The following AK7 variants were observed in gnomAD, a reference collection of about 807,000 sequenced individuals.
AK7 encodes the protein ATP-AMP transphosphorylase 7.
A neutral mutation model predicts 96.6 loss-of-function variants in AK7; 78 were observed. The ratio of observed to expected loss-of-function variants is 0.81; its 90% CI spans 0.67 to 0.97. AK7 has a LOEUF of 0.97. AK7 is among the 50% of genes least tolerant of loss of function. AK7 has a pLI of 0.00. For synonymous variants in AK7, 302 were observed against 317.2 expected (o/e 0.95, Z 0.51); for missense variants, 855 against 887.9 (o/e 0.96, Z 0.47).
chr14:96,440,841 G>C (rs938172548), intron 6 of AK7, among the ~76,000 whole-genome samples: 3 of 152,186 alleles, frequency 2.0e-5, no homozygotes, highest in Non-Finnish European at 4.4e-5. Flanking sequence ...GTAGATATTA[G>C]AGAAAGAGGA....
chr14:96,466,862 C>T (rs191256639), intron 12 of AK7, among the ~76,000 whole-genome samples: 1 of 152,208 alleles, frequency 6.6e-6, no homozygotes, highest in East Asian at 1.9e-4. Context: ...TTGTTTTGGC[C>T]TTATTAAAAT....
intron 10 of AK7, among the ~76,000 whole-genome samples, chr14:96,452,364 C>T (rs1893655125): frequency 6.6e-6 from 1 of 151,986 alleles, no homozygotes; most frequent in South Asian, 2.1e-4. Context: ...ACTCTGTTGC[C>T]CAGGCTGGAG....
At chr14:96,412,752 A>G (rs1249785062) in intron 4 of AK7, among the ~76,000 whole-genome samples, 1 of 151,092 alleles carries the variant, frequency 6.6e-6, no homozygotes, top group African/African-American at 2.4e-5. Context: ...TTTTAAGTAG[A>G]GATGGGGTTT....
chr14:96,449,508 A>G (rs1252244698), intron 8 of AK7, among the ~76,000 whole-genome samples: 1 of 152,130 alleles, frequency 6.6e-6, no homozygotes, highest in Non-Finnish European at 1.5e-5. Context: ...ATCTCAACTC[A>G]CTGCAACCTC....
chr14:96,421,013 C>A (rs552051942), intron 5 of AK7, 81 bp downstream of exon 5: 1 of 974,694 alleles, frequency 1.0e-6, no homozygotes, highest in Non-Finnish European at 1.6e-6. Flanking sequence ...ACTTACCCCA[C>A]GGATGTCTGA....
At chr14:96,480,751 T>G (rs995788017) in intron 15 of AK7, among the ~76,000 whole-genome samples, 1 of 152,118 alleles carries the variant, frequency 6.6e-6, no homozygotes, top group Non-Finnish European at 1.5e-5. Context: ...CAGGGAGGAA[T>G]GAATGAGTGG....
chr14:96,415,849 T>C (rs1315994372), intron 4 of AK7, among the ~76,000 whole-genome samples: 4 of 133,514 alleles, frequency 3.0e-5, no homozygotes, highest in Non-Finnish European at 6.6e-5. Flanking sequence ...ATTTTAATAA[T>C]AGGACAATCT....
chr14:96,398,205 T>C lies in AK7; in HGVS notation c.236T>C (p.Val79Ala), dbSNP rs758050169. ...GTGAAGGAAGGCACATTCCAGATTG[T>C]GGGCACGCTGTCCAAGCCTGACAGC... Reference protein sequence around the residue: ...TKVKEGTFQIVGTLSKPDSPR... With the variant: ...TKVKEGTFQIAGTLSKPDSPR... Residue 79 changes from valine (V) to alanine (A), a missense_variant, in exon 2 of 18, where the codon GTG becomes GCG. Val to Ala is a moderately conservative substitution (Grantham distance 64). Coordinates refer to ENST00000267584, the MANE Select transcript of AK7 (RefSeq NM_152327.5). The C allele has an allele frequency of 3.7e-6, 6 of 1,613,898 alleles. No homozygotes were observed. Among genetic ancestry groups the C allele is most frequent in the East Asian group, 2.2e-5 (1 of 44,894 alleles).
At position 96,442,753 on chromosome 14, in the gene AK7, T is replaced by C. The variant is rs1656164731; in HGVS notation, c.714T>C (p.Pro238=). The part of the protein sequence containing the change: ...FFKMAWLGEI[P]ALPVFGDGTN... ...AGATGGCTTGGTTGGGCGAGATTCC[T>C]GCATTACCAGTTTTTGGCGATGGAA... The change falls in exon 7 of 18, where the codon CCT becomes CCC. Residue 238 remains proline (P), a synonymous_variant. Coordinates refer to ENST00000267584, the MANE Select transcript of AK7 (RefSeq NM_152327.5). The C allele has an allele frequency of 3.1e-6, 5 of 1,614,230 alleles. No homozygotes were observed. Among genetic ancestry groups the C allele is most frequent in the Non-Finnish European group, 3.4e-6 (4 of 1,180,014 alleles).
chr14:96,417,485 C>A (rs1424816420), intron 4 of AK7, among the ~76,000 whole-genome samples: 1 of 152,156 alleles, frequency 6.6e-6, no homozygotes, highest in Non-Finnish European at 1.5e-5. Flanking sequence ...AGTGGATCTT[C>A]CCCTCAACAA....
At chr14:96,412,846 C>T (rs1306787450) in intron 4 of AK7, among the ~76,000 whole-genome samples, 2 of 152,168 alleles carry the variant, frequency 1.3e-5, no homozygotes, top group Non-Finnish European at 2.9e-5. Context: ...GGATTACAGG[C>T]GTGAGCCACT....
intron 4 of AK7, among the ~76,000 whole-genome samples, chr14:96,418,424 C>G (rs1290710064): frequency 1.3e-5 from 2 of 151,332 alleles, no homozygotes; most frequent in Non-Finnish European, 1.5e-5. Flanking sequence ...TAATCTGGCT[C>G]TCACCTACCG....
chr14:96,462,287 T>G (rs1248527825), intron 12 of AK7, among the ~76,000 whole-genome samples: 2 of 152,196 alleles, frequency 1.3e-5, no homozygotes, highest in African/African-American at 4.8e-5. Context: ...ATTGGAATCA[T>G]TCGGTTCCTT....
chr14:96,420,856 A>G lies in AK7; in HGVS notation c.533A>G (p.Tyr178Cys), dbSNP rs145464189. 1.2e-6 allele frequency: 2 copies of G among 1,613,698 alleles called. No individual in the cohort carries two copies. Among genetic ancestry groups the G allele is most frequent in the African/African-American group, 1.3e-5 (1 of 75,052 alleles). Reference protein sequence around the residue: ...DSEVPFTEEDYRRRKSHPNFL... With the variant: ...DSEVPFTEEDCRRRKSHPNFL... ...GAGGTTCCATTCACTGAAGAAGATT[A>G]TCGAAGAAGAAAGTCTCATCCTAAT... Residue 178 changes from tyrosine (Y) to cysteine (C), a missense_variant, in exon 5 of 18, where the codon TAT (tyrosine) becomes TGT (cysteine). Physicochemically the swap from Tyr to Cys is radical, Grantham distance 194. Transcript: ENST00000267584.
intron 16 of AK7, among the ~76,000 whole-genome samples, chr14:96,484,429 C>T (rs1895668472): frequency 6.6e-6 from 1 of 152,176 alleles, no homozygotes; most frequent in South Asian, 2.1e-4. Context: ...ACTGCAGACC[C>T]ACTATGGCCA....
intron 5 of AK7, among the ~76,000 whole-genome samples, chr14:96,434,292 T>C (rs532417879): frequency 8.5e-5 from 13 of 152,360 alleles, no homozygotes; most frequent in Non-Finnish European, 1.6e-4. Flanking sequence ...AATGCTGCAA[T>C]TCCTGCAGAC....
chr14:96,472,204 C>T (rs1004703383), intron 13 of AK7, among the ~76,000 whole-genome samples: 4 of 152,180 alleles, frequency 2.6e-5, no homozygotes, highest in Non-Finnish European at 4.4e-5. Context: ...GTCACCCAGG[C>T]TGGAGCACAG....
intron 5 of AK7, among the ~76,000 whole-genome samples, chr14:96,426,606 G>A (rs2140056258): frequency 6.6e-6 from 1 of 152,276 alleles, no homozygotes; most frequent in East Asian, 1.9e-4. Flanking sequence ...TGGTATTGAT[G>A]AAATCCTTCA....
rs11849979 is a variant in AK7 at position 96,428,127 on chromosome 14, C to T, written c.609+7195C>T. Among the ~76,000 whole-genome samples, 1,317 of 152,186 alleles carry T rather than the reference C, an allele frequency of 8.7e-3. 21 individuals are homozygous for T. The highest frequency in any genetic ancestry group is 0.03 in the African/African-American group (1,239 of 41,488). On this transcript the variant is annotated intron_variant, in intron 5 of 17. Transcript: ENST00000267584. ...ATCCTTCCCCCATCCCCCCACCTTA[C>T]GACAGGCCTCAGTGTGTGATGTTCC...
Sources: gnomAD v4.1 joint callset for allele counts (sites outside exome capture counted in the v4.1 genomes callset) on GRCh38, gnomAD v4.1.1 for gene constraint, MANE v1.5 for transcripts, NCBI Gene and HGNC (gene_info 2026-07-23, HGNC 2026-07-21) for gene names.